TRIM71: variants seen among roughly 807,000 people sequenced by gnomAD.
TRIM71 encodes the protein tripartite motif containing 71.
A neutral mutation model predicts 61.2 loss-of-function variants in TRIM71; 9 were observed. That is an observed-to-expected ratio of 0.15 (90% CI 0.09 to 0.26). The LOEUF (loss-of-function observed/expected upper bound fraction) is 0.26. Ranked by LOEUF, TRIM71 falls within the 10% of genes least tolerant of loss-of-function variation. The pLI, the probability that TRIM71 is intolerant of heterozygous loss-of-function variation, is 1.00. For synonymous variants in TRIM71, 645 were observed against 553.2 expected (o/e 1.17, Z -2.33); for missense variants, 998 against 1,238.7 (o/e 0.81, Z 2.92).
intron 1 of TRIM71, among the ~76,000 whole-genome samples, chr3:32,848,207 G>T (rs1696497031): frequency 6.6e-6 from 1 of 152,198 alleles, no homozygotes; most frequent in Non-Finnish European, 1.5e-5. Context: ...AAATAGAAAT[G>T]ATAGGTAGAT....
At chr3:32,870,394 C>T (rs748896726) in intron 1 of TRIM71, among the ~76,000 whole-genome samples, 32 of 152,130 alleles carry the variant, frequency 2.1e-4, no homozygotes, top group Non-Finnish European at 3.2e-4. Context: ...CTGTTGCAGG[C>T]GGCCTGGAGC....
chr3:32,865,815 C>CCT (rs1559546356), intron 1 of TRIM71, among the ~76,000 whole-genome samples: 1 of 16,296 alleles, frequency 6.1e-5, no homozygotes, highest in Non-Finnish European at 1.1e-4. Context: ...CCCGCCCCAC[C>CCT]TTTTTTTTTT....
intron 1 of TRIM71, among the ~76,000 whole-genome samples, chr3:32,870,943 C>T (rs1019068249): frequency 4.0e-5 from 6 of 151,292 alleles, no homozygotes; most frequent in Admixed American, 6.6e-5. Context: ...CTCCTGAGTA[C>T]AAGCGTGAGC....
intron 1 of TRIM71, among the ~76,000 whole-genome samples, chr3:32,865,561 T>C (rs1307621323): frequency 6.6e-6 from 1 of 152,264 alleles, no homozygotes; most frequent in East Asian, 1.9e-4. Context: ...ATTGTTCTTA[T>C]CTGGGTTTTC....
Position 32,818,183 on chromosome 3 carries a change from T to G in TRIM71, c.103T>G (p.Ser35Ala), listed in dbSNP as rs766118018. The G allele has an allele frequency of 1.3e-6, 2 of 1,596,910 alleles. No homozygotes were observed. Among genetic ancestry groups the G allele is most frequent in the Non-Finnish European group, 1.7e-6 (2 of 1,173,276 alleles). ...CTCCAACTCGTCCGCGTCGTCGTCCTCCTCGCAGACGTCCACGTCGTCGGG... is the reference window on the plus strand; with the variant it reads ...CTCCAACTCGTCCGCGTCGTCGTCCGCCTCGCAGACGTCCACGTCGTCGGG... ...LSSNSSASSS[S>A]SQTSTSSGGG... is the part of the protein sequence containing the mutation. Residue 35 changes from serine to alanine, a missense_variant, in exon 1 of 4, where the codon TCC becomes GCC. Physicochemically the swap from Ser to Ala is moderately conservative, Grantham distance 99. Transcript: ENST00000383763.
At chr3:32,837,768 TGCACTCCA>T (rs1436113026) in intron 1 of TRIM71, among the ~76,000 whole-genome samples, 2 of 152,070 alleles carry the variant, frequency 1.3e-5, no homozygotes, top group African/African-American at 4.8e-5. Flanking sequence ...ATTATACCAC[TGCACTCCA>T]GCCTGGGTGA....
intron 2 of TRIM71, among the ~76,000 whole-genome samples, chr3:32,876,197 G>A (rs547824084): frequency 1.6e-4 from 24 of 152,214 alleles, no homozygotes; most frequent in African/African-American, 4.6e-4. Context: ...TTTATGCCAC[G>A]ACAGTTGGGA....
chr3:32,835,239 G>C (rs571781049), intron 1 of TRIM71, among the ~76,000 whole-genome samples: 5 of 152,288 alleles, frequency 3.3e-5, no homozygotes, highest in East Asian at 3.9e-4. Context: ...GTAACATGAT[G>C]GGGGGAGTGG....
In TRIM71 at chr3:32,890,686, C is replaced by T; in HGVS notation, c.1482C>T (p.Leu494=). 1 of 1,614,048 alleles carries T rather than the reference C, an allele frequency of 6.2e-7. No homozygotes were observed. The highest frequency in any genetic ancestry group is 1.3e-5 in the African/African-American group (1 of 75,068). ...APLTKATGDG[L]KRALQGKVAS... is the part of the protein sequence containing the mutation. The stretch of plus-strand genomic sequence containing the variant: ...TCACCAAGGCCACAGGCGATGGCCT[C>T]AAGCGTGCCCTCCAGGGTAAGGTGG... Residue 494 remains leucine (L), a synonymous_variant, in exon 4 of 4, where the codon CTC becomes CTT. Coordinates refer to ENST00000383763, the MANE Select transcript of TRIM71 (RefSeq NM_001039111.3). This position sits in a 1 kb window ranked among gnomAD's most constrained non-coding sequence, Gnocchi z 6.2.
chr3:32,879,155 T>C (rs1184542792), intron 2 of TRIM71, among the ~76,000 whole-genome samples: 1 of 152,236 alleles, frequency 6.6e-6, no homozygotes, highest in African/African-American at 2.4e-5. Flanking sequence ...TCACCCTTCA[T>C]AGCATTGAAG....
At chr3:32,841,932 T>C (rs1007245626) in intron 1 of TRIM71, among the ~76,000 whole-genome samples, 3 of 152,170 alleles carry the variant, frequency 2.0e-5, no homozygotes, top group African/African-American at 7.2e-5. Flanking sequence ...AAAATGCATG[T>C]GCCACAGTGC....
intron 1 of TRIM71, among the ~76,000 whole-genome samples, chr3:32,833,501 A>G (rs1696298469): frequency 6.6e-6 from 1 of 152,074 alleles, no homozygotes; most frequent in Admixed American, 6.6e-5. Context: ...CAGAGGGAGC[A>G]TCTGTGGATG....
In TRIM71 at chr3:32,895,458, G is replaced by A. The variant is rs1048336625; in HGVS notation, c.*3647G>A. 5 of 152,322 alleles carry A rather than the reference G, an allele frequency of 3.3e-5. No individual in the cohort carries two copies. Among genetic ancestry groups the A allele is most frequent in the Non-Finnish European group, 5.9e-5 (4 of 68,018 alleles). 9.4% of individuals were successfully genotyped at this position (152,322 alleles called of 1,614,324 possible). A position where few individuals can be genotyped will look rare whatever the true frequency, so the allele number is the denominator to read the frequency against. On this transcript the variant is annotated 3_prime_UTR_variant, in exon 4 of 4. Transcript: ENST00000383763. ...TTATTTGAGGAGGAAAGTCTTTTAG[G>A]CTTGAAGCAGCAAAATACTGTTTAT...
At chr3:32,863,474 T>C (rs191655695) in intron 1 of TRIM71, among the ~76,000 whole-genome samples, 86 of 152,266 alleles carry the variant, frequency 5.6e-4, no homozygotes, top group Non-Finnish European at 9.0e-4. Context: ...CATCAAGATA[T>C]AGATTTTCTC....
chr3:32,892,392 ATCTTC>A lies in TRIM71; in HGVS notation c.*586_*590del, dbSNP rs1697036677. The stretch of plus-strand genomic sequence containing the variant: ...TGTGTTGTTTTGATCTTTTTGGAAA[ATCTTC>A]TCTTTTTAAATGCTGCAACAGAGAA... On this transcript the variant is annotated 3_prime_UTR_variant, in exon 4 of 4. Transcript: ENST00000383763. The A allele has an allele frequency of 6.6e-6, 1 of 152,162 alleles. No individual in the cohort carries two copies. Among genetic ancestry groups the A allele is most frequent in the South Asian group, 2.1e-4 (1 of 4,824 alleles). The allele number at this position is 152,162 out of a possible 1,614,324, so 9.4% of individuals were successfully genotyped here. A position where few individuals can be genotyped will look rare whatever the true frequency, so the allele number is the denominator to read the frequency against.
At chr3:32,864,276 T>G (rs973408648) in intron 1 of TRIM71, among the ~76,000 whole-genome samples, 1 of 152,208 alleles carries the variant, frequency 6.6e-6, no homozygotes, top group Non-Finnish European at 1.5e-5. Flanking sequence ...ACTCTGGCAT[T>G]TTCTAAGCTG....
chr3:32,883,338 C>T (rs1696929041), intron 2 of TRIM71, among the ~76,000 whole-genome samples: 1 of 152,210 alleles, frequency 6.6e-6, no homozygotes, highest in Non-Finnish European at 1.5e-5. Context: ...TTACCATAAA[C>T]TGGATTACTT....
chr3:32,887,172 C>G (rs1202575746), intron 3 of TRIM71, among the ~76,000 whole-genome samples: 1 of 152,132 alleles, frequency 6.6e-6, no homozygotes, highest in Non-Finnish European at 1.5e-5. Flanking sequence ...TCTGGATTTC[C>G]TGATGAAAAA....
At chr3:32,873,506 G>A (rs1368661322) in intron 1 of TRIM71, among the ~76,000 whole-genome samples, 1 of 152,170 alleles carries the variant, frequency 6.6e-6, no homozygotes, top group African/African-American at 2.4e-5. Flanking sequence ...CAGGAGGTTT[G>A]TTTTGTTTGG....
Sources: gnomAD v4.1 joint callset for allele counts (sites outside exome capture counted in the v4.1 genomes callset) on GRCh38, gnomAD v4.1.1 for gene constraint, Gnocchi (gnomAD v3.1) non-coding constraint, MANE v1.5 for transcripts, NCBI Gene and HGNC (gene_info 2026-07-23, HGNC 2026-07-21) for gene names.